Variants in DMD observed in about 807,000 individuals in gnomAD.
The protein encoded by DMD is mutant dystrophin.
In DMD, 63 loss-of-function variants were observed where a neutral mutation model predicts 330.1. The ratio of observed to expected loss-of-function variants is 0.19; its 90% CI spans 0.16 to 0.24. The LOEUF is 0.24. Ranked by LOEUF, DMD falls within the 10% of genes least tolerant of loss-of-function variation. The pLI is 1.00. For synonymous variants in DMD, 1,223 were observed against 959.8 expected (o/e 1.27, Z -5.07); for missense variants, 3,344 against 2,684.1 (o/e 1.25, Z -5.43).
chrX:33,009,249 T>C (rs1475016222), intron 2 of DMD, among the ~76,000 whole-genome samples: 2 of 67,222 alleles, frequency 3.0e-5, no homozygotes, highest in Non-Finnish European at 5.9e-5. Context: ...CACATGTGCA[T>C]ATATGTGTAT....
At chrX:32,683,586 C>G (rs1350955227) in intron 9 of DMD, among the ~76,000 whole-genome samples, 1 of 91,662 alleles carries the variant, frequency 1.1e-5, no homozygotes, top group African/African-American at 4.2e-5. Flanking sequence ...AGGTGGGAAT[C>G]GAACAATGAG....
At chrX:31,946,757 G>C (rs2095092609) in intron 45 of DMD, among the ~76,000 whole-genome samples, 1 of 110,224 alleles carries the variant, frequency 9.1e-6, no homozygotes, top group African/African-American at 3.3e-5. Context: ...TAGCACTTAG[G>C]AGAAAATTTC....
intron 55 of DMD, among the ~76,000 whole-genome samples, chrX:31,552,212 G>T (rs1338720215): frequency 8.9e-6 from 1 of 111,914 alleles, no homozygotes; most frequent in African/African-American, 3.2e-5. Context: ...TCACCCTGCT[G>T]CCCAAGCTGG....
At position 32,044,566 on chromosome X, in the gene DMD, T is replaced by C. The variant is rs968445768; in HGVS notation, c.6439-76052A>G. ...CCTCCCAAGTAGCTGAGACTACAGG[T>C]GCCTGCCACCATGCCCAGCTAATTT... On this transcript the variant is annotated intron_variant, in intron 44 of 78. Transcript: ENST00000357033. 1.5e-4 allele frequency among the ~76,000 whole-genome samples: 17 copies of C among 110,333 alleles called. No individual in the cohort carries two copies. The South Asian group carries it at 1.6e-3, about 10-fold the overall frequency.
intron 47 of DMD, among the ~76,000 whole-genome samples, chrX:31,880,498 A>G (rs1356853009): frequency 8.9e-6 from 1 of 112,551 alleles, no homozygotes; most frequent in Non-Finnish European, 1.9e-5. Context: ...TAAACAAGAA[A>G]AAATCCAGAC....
intron 43 of DMD, among the ~76,000 whole-genome samples, chrX:32,237,355 G>C (rs901775831): frequency 1.8e-5 from 2 of 110,609 alleles, no homozygotes; most frequent in Non-Finnish European, 3.8e-5. Flanking sequence ...GAATACATTA[G>C]ATTTTTTTTT....
intron 50 of DMD, among the ~76,000 whole-genome samples, chrX:31,775,000 A>G (rs922292058): frequency 1.2e-4 from 13 of 111,572 alleles, no homozygotes; most frequent in African/African-American, 4.2e-4. Context: ...TCTCTGCCCT[A>G]GGAACTCTGG....
intron 74 of DMD, among the ~76,000 whole-genome samples, chrX:31,165,600 C>CTATA (rs2039332520): frequency 9.0e-6 from 1 of 111,063 alleles, no homozygotes; most frequent in Non-Finnish European, 1.9e-5. Flanking sequence ...TATTTGAACA[C>CTATA]TACAGGCTTA....
chrX:31,870,327 T>C, intron 48 of DMD, among the ~76,000 whole-genome samples: 1 of 111,909 alleles, frequency 8.9e-6, no homozygotes, highest in Non-Finnish European at 1.9e-5. Context: ...ATAAACTTTC[T>C]CAAGGACTTG....
At chrX:32,590,449 G>A (rs1038902674) in intron 13 of DMD, among the ~76,000 whole-genome samples, 6 of 111,867 alleles carry the variant, frequency 5.4e-5, no homozygotes, top group Non-Finnish European at 1.1e-4. Context: ...GTCTGTGAGA[G>A]TGTAGCCAAA....
At chrX:32,207,885 A>C (rs1394405253) in intron 44 of DMD, among the ~76,000 whole-genome samples, 1 of 112,054 alleles carries the variant, frequency 8.9e-6, no homozygotes, top group Non-Finnish European at 1.9e-5. Flanking sequence ...TTGTAAATAC[A>C]TACAACAGCC....
At chrX:32,088,677 AGT>A (rs34596391) in intron 44 of DMD, among the ~76,000 whole-genome samples, 16,609 of 97,110 alleles carry the variant, frequency 0.17, 1,174 homozygotes, top group African/African-American at 0.22. Flanking sequence ...ATAGCTCTGA[AGT>A]GTGTGTGTGT....
intron 57 of DMD, among the ~76,000 whole-genome samples, chrX:31,485,874 C>T (rs1240431107): frequency 8.9e-6 from 1 of 112,130 alleles, no homozygotes; most frequent in African/African-American, 3.2e-5. Context: ...ACTAGAAATA[C>T]TACCCATATT....
rs764389239 is a variant in DMD at position 32,043,259 on chromosome X, G to A, written c.6439-74745C>T. Among the ~76,000 whole-genome samples the A allele has an allele frequency of 5.3e-5, 6 of 112,206 alleles. No individual in the cohort carries two copies. In the East Asian group the frequency reaches 8.4e-4, roughly 16 times the overall value. Reference sequence around the variant, plus strand: ...TAAGAGATGACGACAGGTAATATACGTCTTAGTGCATTTATGTATGTGTTT... The same window carrying A: ...TAAGAGATGACGACAGGTAATATACATCTTAGTGCATTTATGTATGTGTTT... On this transcript the variant is annotated intron_variant, in intron 44 of 78. Transcript: ENST00000357033.
At chrX:32,785,212 A>C (rs1262452054) in intron 7 of DMD, among the ~76,000 whole-genome samples, 1 of 110,492 alleles carries the variant, frequency 9.1e-6, no homozygotes, top group East Asian at 2.8e-4. Context: ...TTAAAAAAAA[A>C]AAACCTTTTA....
chrX:31,272,285 C>T (rs868034117), intron 62 of DMD, among the ~76,000 whole-genome samples: 3 of 112,217 alleles, frequency 2.7e-5, no homozygotes, highest in Non-Finnish European at 5.6e-5. Context: ...CACAGGCCGA[C>T]GGTTGCTTCA....
rs958245620 is a variant in DMD at position 32,456,961 on chromosome X, A to T, written c.3433-2129T>A. Among the ~76,000 whole-genome samples the T allele has an allele frequency of 4.7e-4, 19 of 40,564 alleles. 1 individual carries two copies. The highest frequency in any genetic ancestry group is 3.5e-3 in the East Asian group (3 of 859). 35.2% of individuals were successfully genotyped at this position (40,564 alleles called of 115,157 possible). A position where few individuals can be genotyped will look rare whatever the true frequency, so the allele number is the denominator to read the frequency against. ...CATTAGAAAGGGTCCAGATTGTTAA[A>T]AAAAAAAAAAAAAAAAACTTACAGC... On this transcript the variant is annotated intron_variant, in intron 25 of 78. Coordinates refer to ENST00000357033, the MANE Select transcript of DMD (RefSeq NM_004006.3).
chrX:32,800,126 TG>T (rs771282600), intron 7 of DMD, among the ~76,000 whole-genome samples: 1 of 112,224 alleles, frequency 8.9e-6, no homozygotes, highest in African/African-American at 3.2e-5. Context: ...TCTCCCCAAA[TG>T]TTTCATTATT....
In DMD at chrX:31,586,443, C is replaced by T. The variant is rs1381161827; in HGVS notation, c.8217+41230G>A. ...TTTGAGAGGCAATTTATTTCTGGCA[C>T]AACTGCCATATGCATTTATACTAAT... On this transcript the variant is annotated intron_variant, in intron 55 of 78. Coordinates refer to ENST00000357033, the MANE Select transcript of DMD (RefSeq NM_004006.3). 5.3e-5 allele frequency among the ~76,000 whole-genome samples: 6 copies of T among 112,622 alleles called. No individual in the cohort carries two copies. In the Admixed American group the frequency reaches 5.6e-4, roughly 11 times the overall value.
Sources: gnomAD v4.1 joint callset for allele counts (sites outside exome capture counted in the v4.1 genomes callset) on GRCh38, gnomAD v4.1.1 for gene constraint, MANE v1.5 for transcripts, NCBI Gene and HGNC (gene_info 2026-07-23, HGNC 2026-07-21) for gene names.